The following FBXL5 variants were observed in gnomAD, a reference collection of about 807,000 sequenced individuals.
FBXL5 encodes the protein F-box/LRR-repeat protein 5.
FBXL5 carries 26 observed loss-of-function variants against 78.3 expected under a neutral mutation model. The ratio of observed to expected loss-of-function variants is 0.33; its 90% CI spans 0.24 to 0.46. The LOEUF is 0.46. Ranked by LOEUF, FBXL5 falls within the 20% of genes least tolerant of loss-of-function variation. The pLI is 1.00. For synonymous variants in FBXL5, 295 were observed against 282.5 expected (o/e 1.04, Z -0.45); for missense variants, 710 against 829.2 (o/e 0.86, Z 1.77).
chr4:15,649,821 T>C (rs762908049), intron 1 of FBXL5, among the ~76,000 whole-genome samples: 2 of 152,184 alleles, frequency 1.3e-5, no homozygotes, highest in East Asian at 3.9e-4. Flanking sequence ...AAAGTAGATA[T>C]CAAAATCCTC....
chr4:15,631,328 T>G (rs777524405), intron 5 of FBXL5, among the ~76,000 whole-genome samples: 1 of 152,242 alleles, frequency 6.6e-6, no homozygotes, highest in African/African-American at 2.4e-5. Flanking sequence ...TGATGGACAT[T>G]TGGGTTGGTT....
At chr4:15,655,458 C>T (rs1220364208), upstream of FBXL5, 15 of 909,164 alleles carry the variant, frequency 1.6e-5, no homozygotes, top group Non-Finnish European at 2.0e-5. Flanking sequence ...CGCCGCCATG[C>T]GATCCCTGCG....
At chr4:15,658,606 C>T (rs1439166266), upstream of FBXL5, among the ~76,000 whole-genome samples, 1 of 152,184 alleles carries the variant, frequency 6.6e-6, no homozygotes, top group African/African-American at 2.4e-5. Context: ...CCTTGGGACT[C>T]TGCAGAGTCG....
chr4:15,673,933 T>G (rs995331608), intron 1 of FBXL5, among the ~76,000 whole-genome samples: 1 of 152,254 alleles, frequency 6.6e-6, no homozygotes, highest in African/African-American at 2.4e-5. Context: ...TGATCAAGGT[T>G]CACTGTCCTT....
chr4:15,627,009 G>A (rs370658525), intron 7 of FBXL5, 54 bp from the exon 8 acceptor site: 2 of 1,106,536 alleles, frequency 1.8e-6, no homozygotes, highest in Non-Finnish European at 2.7e-6. Flanking sequence ...AGTTAGCTAA[G>A]TAACAGATGA....
At chr4:15,622,924 G>A (rs1409896525) in intron 9 of FBXL5, among the ~76,000 whole-genome samples, 4 of 152,080 alleles carry the variant, frequency 2.6e-5, no homozygotes, top group Non-Finnish European at 5.9e-5. Flanking sequence ...TACTACTCAG[G>A]AAAACCCTAA....
chr4:15,612,336 GC>G lies in FBXL5; in HGVS notation c.1928del (p.Gly643AlafsTer12). On this transcript the variant is annotated frameshift_variant, in exon 10 of 11. Transcript: ENST00000341285. LOFTEE classifies it high-confidence loss of function. ...LSGCLTITGA[G>X]LQDLVSACPS... Reference sequence around the variant, plus strand: ...GACATGCTGAAACCAAATCCTGCAGGCCTGCACCAGTTATAGTAAGACAACC... The same window carrying G: ...GACATGCTGAAACCAAATCCTGCAGGCTGCACCAGTTATAGTAAGACAACC... The G allele has an allele frequency of 6.2e-7, 1 of 1,612,622 alleles. No individual in the cohort carries two copies. The highest frequency in any genetic ancestry group is 8.5e-7 in the Non-Finnish European group (1 of 1,179,276).
chr4:15,609,545 A>C (rs1212006179), intron 10 of FBXL5, among the ~76,000 whole-genome samples: 1 of 152,044 alleles, frequency 6.6e-6, no homozygotes, highest in Non-Finnish European at 1.5e-5. Context: ...ACTATGAGCT[A>C]ATCTATCTTA....
upstream of FBXL5, among the ~76,000 whole-genome samples, chr4:15,655,615 T>C (rs1029613074): frequency 5.3e-5 from 8 of 152,120 alleles, no homozygotes; most frequent in African/African-American, 9.7e-5. Context: ...TAGCTGAGGG[T>C]AGGGGAAAGT....
chr4:15,676,979 T>C (rs1398992914), intron 1 of FBXL5, among the ~76,000 whole-genome samples: 2 of 152,176 alleles, frequency 1.3e-5, no homozygotes, highest in East Asian at 3.8e-4. Context: ...TCTATATTTA[T>C]TAAGAAAATA....
At chr4:15,642,361 T>C (rs375633092) in intron 2 of FBXL5, among the ~76,000 whole-genome samples, 2 of 151,864 alleles carry the variant, frequency 1.3e-5, no homozygotes, top group South Asian at 2.1e-4. Flanking sequence ...GTCTCCTGAG[T>C]AGCTGGGACT....
rs752682133 is a variant in FBXL5, at chr4:15,644,554, T to C, written c.239A>G (p.His80Arg). 3 of 1,614,122 alleles carry C rather than the reference T, an allele frequency of 1.9e-6. No homozygotes were observed. The highest frequency in any genetic ancestry group is 2.2e-5 in the East Asian group (1 of 44,864). The change falls in exon 2 of 11, where the codon CAT becomes CGT. Residue 80 changes from histidine (H) to arginine (R), a missense_variant. By Grantham distance (29) the His-to-Arg change is conservative (BLOSUM62 0). Around this residue, in one of 4 missense-constraint regions of FBXL5, gnomAD observed 132 missense variants for 156.9 expected, o/e 0.84. Coordinates refer to ENST00000341285, the MANE Select transcript of FBXL5 (RefSeq NM_012161.4). ...QQRSQTIYNVHSDNKLSEMLS... is the reference protein window; with the variant it reads ...QQRSQTIYNVRSDNKLSEMLS... ...CATCTCGGAGAGTTTATTGTCAGAA[T>C]GTACATTATAAATGGTCTGGCTGCG...
chr4:15,675,771 T>C (rs1415302004), intron 1 of FBXL5, among the ~76,000 whole-genome samples: 1 of 151,866 alleles, frequency 6.6e-6, no homozygotes, highest in African/African-American at 2.4e-5. Context: ...TTAGTAGAAA[T>C]GGGGTTTCAC....
chr4:15,617,982 GA>G (rs905103847), intron 9 of FBXL5, among the ~76,000 whole-genome samples: 1 of 151,054 alleles, frequency 6.6e-6, no homozygotes, highest in Non-Finnish European at 1.5e-5. Context: ...GAAGTTAAAA[GA>G]AAAAAAAGGA....
intron 3 of FBXL5, among the ~76,000 whole-genome samples, chr4:15,639,994 T>C (rs1200506591): frequency 6.6e-6 from 1 of 152,200 alleles, no homozygotes; most frequent in Non-Finnish European, 1.5e-5. Flanking sequence ...TGCCCATTCA[T>C]TCAATGATAC....
Position 15,625,407 on chromosome 4 carries a change from T to A in FBXL5, c.1695A>T (p.Glu565Asp). 1 of 1,614,204 alleles carries A rather than the reference T, an allele frequency of 6.2e-7. No homozygotes were observed. The highest frequency in any genetic ancestry group is 8.5e-7 in the Non-Finnish European group (1 of 1,180,036). The change falls in exon 9 of 11, where the codon GAA (glutamate) becomes GAT (aspartate). Residue 565 changes from glutamate to aspartate, a missense_variant. Physicochemically the swap from Glu to Asp is conservative, Grantham distance 45 (BLOSUM62 2). Around this residue, in one of 4 missense-constraint regions of FBXL5, gnomAD observed 517 missense variants for 542.9 expected, o/e 0.95. Transcript: ENST00000341285. ...TALRTMSSLP[E>D]SSAMCRKAAR... ...CTGCTTTTCTACACATTGCAGAAGA[T>A]TCTGGGAGTGATGACATAGTTCTTA... is the stretch of plus-strand genomic sequence containing the variant.
chr4:15,640,370 T>G (rs1475435262), intron 3 of FBXL5, among the ~76,000 whole-genome samples: 1 of 132,942 alleles, frequency 7.5e-6, no homozygotes, highest in Non-Finnish European at 1.6e-5. Context: ...AAAGCCACCA[T>G]TTAAATACTA....
At chr4:15,655,121 G>GCAGGC in intron 1 of FBXL5, 83 bp downstream of exon 1, 1 of 1,108,752 alleles carries the variant, frequency 9.0e-7, no homozygotes, top group East Asian at 4.2e-5. Context: ...CGGGCGCGGC[G>GCAGGC]CAGGCCAGGC....
intron 10 of FBXL5, among the ~76,000 whole-genome samples, chr4:15,609,172 C>A (rs1441972193): frequency 6.6e-6 from 1 of 152,054 alleles, no homozygotes; most frequent in East Asian, 1.9e-4. Flanking sequence ...TTTGACTTAT[C>A]ACCAGCAAAC....
Sources: gnomAD v4.1 joint callset for allele counts (sites outside exome capture counted in the v4.1 genomes callset) on GRCh38, gnomAD v4.1.1 for gene constraint, gnomAD v4.1.1 regional missense constraint, MANE v1.5 for transcripts, NCBI Gene and HGNC (gene_info 2026-07-23, HGNC 2026-07-21) for gene names.